Variants in OTOP1 observed in about 807,000 individuals in gnomAD.
OTOP1 encodes proton channel OTOP1.
In OTOP1, 59 loss-of-function variants were observed where a neutral mutation model predicts 52.9. That is an observed-to-expected ratio of 1.12 (90% CI 0.91 to 1.39). The LOEUF (loss-of-function observed/expected upper bound fraction) is 1.39, where lower values mean the gene tolerates loss of function less well. Ranked by LOEUF, OTOP1 falls within the 40% of genes most tolerant of loss-of-function variation. OTOP1 has a pLI of 0.00. For synonymous variants in OTOP1, 317 were observed against 337.7 expected (o/e 0.94, Z 0.67); for missense variants, 761 against 800.9 (o/e 0.95, Z 0.60).
At chr4:4,213,455 C>T (rs1277700469) in intron 1 of OTOP1, among the ~76,000 whole-genome samples, 1 of 152,114 alleles carries the variant, frequency 6.6e-6, no homozygotes, top group Non-Finnish European at 1.5e-5. Context: ...GGAAAGACAG[C>T]CCACAGAACT....
At chr4:4,190,853 C>G (rs923724812) in intron 5 of OTOP1, among the ~76,000 whole-genome samples, 1 of 152,098 alleles carries the variant, frequency 6.6e-6, no homozygotes, top group Non-Finnish European at 1.5e-5. Context: ...TTTGCTGTGC[C>G]TCTTAATGTT....
intron 4 of OTOP1, among the ~76,000 whole-genome samples, chr4:4,199,925 G>A (rs991864318): frequency 7.2e-5 from 11 of 152,256 alleles, no homozygotes; most frequent in South Asian, 2.1e-4. Flanking sequence ...ATTTGGAAGC[G>A]TCTCTGATAT....
At chr4:4,212,738 T>G (rs1261729963) in intron 2 of OTOP1, 130 bp downstream of exon 2, 1 of 1,028,700 alleles carries the variant, frequency 9.7e-7, no homozygotes, top group African/African-American at 1.6e-5. Flanking sequence ...AAGACAGATT[T>G]CAGTTCACTG....
At position 4,197,614 on chromosome 4, in the gene OTOP1, C is replaced by T. The variant is rs759978897; in HGVS notation, c.1220G>A (p.Gly407Asp). 8.7e-6 allele frequency: 14 copies of T among 1,613,740 alleles called. No individual in the cohort carries two copies. The highest frequency in any genetic ancestry group is 3.3e-5 in the Admixed American group (2 of 59,972). Residue 407 changes from glycine to aspartate, a missense_variant, in exon 5 of 6, where the codon GGC becomes GAC. Gly to Asp is a moderately conservative substitution (Grantham distance 94). Coordinates refer to ENST00000296358, the MANE Select transcript of OTOP1 (RefSeq NM_177998.3). ...AGCACAGAGGATGGCCAAGATTGAG[C>T]CCCAGGAGATAAGCCAGGAGCCCGA... The part of the protein sequence containing the change: ...TASGSWLISW[G>D]SILAILCAEG...
rs201916951 is a variant in OTOP1 at position 4,197,880 on chromosome 4, G to A, written c.954C>T (p.Gly318=). The A allele has an allele frequency of 3.7e-6, 6 of 1,613,986 alleles. No individual in the cohort carries two copies. Among genetic ancestry groups the A allele is most frequent in the African/African-American group, 1.3e-5 (1 of 74,984 alleles). Residue 318 remains glycine (G), a synonymous_variant, in exon 5 of 6, where the codon GGC becomes GGT. Transcript: ENST00000296358. ...SDGVMVGAVL[G]LTVLAATIAV... ...CAATGGTGGCGGCCAGCACGGTCAGGCCCAGGACTGCGCCCACCATGACCC... is the reference window on the plus strand; with the variant it reads ...CAATGGTGGCGGCCAGCACGGTCAGACCCAGGACTGCGCCCACCATGACCC...
In OTOP1 at chr4:4,206,104, C is replaced by T. The variant is rs1340915482; in HGVS notation, c.567G>A (p.Lys189=). 6.2e-7 allele frequency: 1 copy of T among 1,607,808 alleles called. No homozygotes were observed. Among genetic ancestry groups the T allele is most frequent in the Non-Finnish European group, 8.5e-7 (1 of 1,174,622 alleles). The change falls in exon 3 of 6, where the codon AAG becomes AAA. Residue 189 remains lysine (K), a synonymous_variant. Coordinates refer to ENST00000296358, the MANE Select transcript of OTOP1 (RefSeq NM_177998.3). ...LQVYFLWGHA[K]DIIQSFKTLE... is the part of the protein sequence containing the mutation. ...GTGTTTTGAAAGACTGGATAATATCCTTTGCATGCCCCCAAAGAAAATATA... is the reference window on the plus strand; with the variant it reads ...GTGTTTTGAAAGACTGGATAATATCTTTTGCATGCCCCCAAAGAAAATATA...
In OTOP1 at chr4:4,188,954, A is replaced by G. The variant is rs1212568371; in HGVS notation, c.1688T>C (p.Phe563Ser). 1 of 1,612,940 alleles carries G rather than the reference A, an allele frequency of 6.2e-7. No individual in the cohort carries two copies. Among genetic ancestry groups the G allele is most frequent in the African/African-American group, 1.3e-5 (1 of 74,908 alleles). The change falls in exon 6 of 6, where the codon TTT becomes TCT. Residue 563 changes from phenylalanine to serine, a missense_variant. By Grantham distance (155) the Phe-to-Ser change is radical. Coordinates refer to ENST00000296358, the MANE Select transcript of OTOP1 (RefSeq NM_177998.3). ...CNISLWIPPA[F>S]GCRPEYDNGL... ...ATTGTCATACTCAGGTCGACAGCCA[A>G]AGGCGGGAGGTATCCAAAGCTGCAA...
chr4:4,193,795 C>G (rs1716564657), intron 5 of OTOP1, among the ~76,000 whole-genome samples: 1 of 152,216 alleles, frequency 6.6e-6, no homozygotes, highest in Non-Finnish European at 1.5e-5. Context: ...ACAGTGCTAT[C>G]TTTCTTCAAG....
chr4:4,194,508 C>T (rs899592544), intron 5 of OTOP1, among the ~76,000 whole-genome samples: 6 of 152,216 alleles, frequency 3.9e-5, no homozygotes, highest in Admixed American at 6.5e-5. Context: ...TGAAGGAAGC[C>T]GGGTGATCCA....
At chr4:4,199,852 T>C (rs1716741296) in intron 4 of OTOP1, among the ~76,000 whole-genome samples, 1 of 152,332 alleles carries the variant, frequency 6.6e-6, no homozygotes, top group East Asian at 1.9e-4. Context: ...AACTTTTTTG[T>C]AGCAGAAATA....
chr4:4,204,993 C>T (rs560419412), intron 3 of OTOP1, among the ~76,000 whole-genome samples: 6 of 152,268 alleles, frequency 3.9e-5, no homozygotes, highest in Admixed American at 3.9e-4. Context: ...AGGCTGGTCT[C>T]AAACTCCTGA....
At chr4:4,189,880 C>A (rs568298248) in intron 5 of OTOP1, among the ~76,000 whole-genome samples, 1 of 152,222 alleles carries the variant, frequency 6.6e-6, no homozygotes, top group Non-Finnish European at 1.5e-5. Flanking sequence ...TGCCACCTCT[C>A]GCAAAGTCAA....
Position 4,202,546 on chromosome 4 carries a change from A to T in OTOP1, c.632T>A (p.Leu211Gln), listed in dbSNP as rs1278245211. The T allele has an allele frequency of 6.2e-7, 1 of 1,613,934 alleles. No homozygotes were observed. The highest frequency in any genetic ancestry group is 8.5e-7 in the Non-Finnish European group (1 of 1,179,938). Residue 211 changes from leucine (L) to glutamine (Q), a missense_variant, in exon 4 of 6, where the codon CTG becomes CAG. Physicochemically the swap from Leu to Gln is moderately radical, Grantham distance 113 (BLOSUM62 -2). This residue lies in a region of OTOP1 where 632 missense variants were observed against 619.5 expected (regional missense o/e 1.02). Coordinates refer to ENST00000296358, the MANE Select transcript of OTOP1 (RefSeq NM_177998.3). The stretch of plus-strand genomic sequence containing the variant: ...GAGGACGCCATTGGCCCACAGAAGC[A>T]GGTTGGTGAACACCGAGTGGATCAC... ...FGVIHSVFTNLLLWANGVLNE... is the reference protein window; with the variant it reads ...FGVIHSVFTNQLLWANGVLNE...
intron 4 of OTOP1, among the ~76,000 whole-genome samples, chr4:4,201,815 C>T (rs1198472136): frequency 6.6e-6 from 1 of 152,126 alleles, no homozygotes; most frequent in Non-Finnish European, 1.5e-5. Flanking sequence ...TGGGAACAAA[C>T]CTGAGACACC....
At chr4:4,190,340 G>T (rs996450116) in intron 5 of OTOP1, among the ~76,000 whole-genome samples, 2 of 152,142 alleles carry the variant, frequency 1.3e-5, no homozygotes, top group Admixed American at 1.3e-4. Flanking sequence ...CAGGTATGGC[G>T]GCATGTGCCT....
At chr4:4,225,739 G>A (rs1485900582) in intron 1 of OTOP1, among the ~76,000 whole-genome samples, 2 of 152,006 alleles carry the variant, frequency 1.3e-5, no homozygotes, top group African/African-American at 4.8e-5. Context: ...CACCCACTTC[G>A]TGCCAGGCCC....
intron 4 of OTOP1, among the ~76,000 whole-genome samples, chr4:4,201,416 G>C (rs1275614270): frequency 1.3e-5 from 2 of 151,330 alleles, no homozygotes; most frequent in African/African-American, 4.9e-5. Flanking sequence ...AACAGAGTGA[G>C]ACTCTGTCTC....
rs12645839 is a variant in OTOP1 at position 4,226,556 on chromosome 4, C to G, written c.309G>C (p.Gln103His). The change falls in exon 1 of 6, where the codon CAG (glutamine) becomes CAC (histidine). Residue 103 changes from glutamine to histidine, a missense_variant. Transcript: ENST00000296358. The part of the protein sequence containing the change: ...LCFLTALMLL[Q>H]LLWMLWYVGR... ...CCACGTACCACAGCATCCACAGCAG[C>G]TGCAGCAGCATGAGCGCCGTCAGGA... is the stretch of plus-strand genomic sequence containing the variant. 1 of 1,604,362 alleles carries G rather than the reference C, an allele frequency of 6.2e-7. No individual in the cohort carries two copies. The highest frequency in any genetic ancestry group is 2.2e-5 in the East Asian group (1 of 44,514).
intron 1 of OTOP1, among the ~76,000 whole-genome samples, chr4:4,222,727 T>G (rs759140524): frequency 1.3e-5 from 2 of 152,218 alleles, no homozygotes; most frequent in Non-Finnish European, 2.9e-5. Context: ...CTCTGCCTAT[T>G]GATCTAAGAT....
Sources: allele counts gnomAD v4.1 joint callset (sites outside exome capture counted in the v4.1 genomes callset), GRCh38; gene constraint gnomAD v4.1.1; regional missense constraint gnomAD v4.1.1; transcripts MANE v1.5; gene names NCBI Gene and HGNC (gene_info 2026-07-23, HGNC 2026-07-21).